THSD7A: variants seen among roughly 807,000 people sequenced by gnomAD.
The protein encoded by THSD7A is thrombospondin type 1 domain containing 7A.
Under a neutral mutation model 231.3 loss-of-function variants are expected in THSD7A, and 96 were observed. The observed-to-expected ratio is 0.41, with a 90% CI of 0.35 to 0.49. The LOEUF is 0.49. Ranked by LOEUF, THSD7A falls within the 20% of genes least tolerant of loss-of-function variation. The pLI is 0.05. For missense variants in THSD7A, 2,290 were observed against 2,070.2 expected, an observed-to-expected ratio of 1.11 and a Z score of -2.06; for synonymous variants, 940 against 743.3, an observed-to-expected ratio of 1.26 and a Z score of -4.30.
At chr7:11,527,539 T>C (rs1282484946) in intron 6 of THSD7A, among the ~76,000 whole-genome samples, 1 of 152,194 alleles carries the variant, frequency 6.6e-6, no homozygotes, top group African/African-American at 2.4e-5. Flanking sequence ...AGAATCCTCT[T>C]CCAACTAGAT....
At chr7:11,690,508 G>T (rs906421615) in intron 1 of THSD7A, among the ~76,000 whole-genome samples, 1 of 151,612 alleles carries the variant, frequency 6.6e-6, no homozygotes, top group African/African-American at 2.4e-5. Flanking sequence ...CTGTGCTGAG[G>T]CTGCTGTGTG....
intron 16 of THSD7A, among the ~76,000 whole-genome samples, chr7:11,422,879 T>C (rs1425288579): frequency 1.3e-5 from 2 of 152,130 alleles, no homozygotes; most frequent in Non-Finnish European, 2.9e-5. Context: ...TCTTGATTTC[T>C]TGACGTTGTG....
At chr7:11,438,412 T>G (rs2090683427) in intron 13 of THSD7A, among the ~76,000 whole-genome samples, 1 of 152,004 alleles carries the variant, frequency 6.6e-6, no homozygotes, top group African/African-American at 2.4e-5. Context: ...GAAAGCAAAT[T>G]TTTAAAGAGA....
At chr7:11,615,854 C>G (rs1781086909) in intron 2 of THSD7A, among the ~76,000 whole-genome samples, 1 of 152,002 alleles carries the variant, frequency 6.6e-6, no homozygotes, top group Non-Finnish European at 1.5e-5. Flanking sequence ...CTTTAATTTC[C>G]TCTATTGTCT....
intron 6 of THSD7A, among the ~76,000 whole-genome samples, chr7:11,497,458 A>T (rs1787149631): frequency 6.6e-6 from 1 of 152,188 alleles, no homozygotes; most frequent in Non-Finnish European, 1.5e-5. Context: ...TCTTTAGGGG[A>T]CATTAGGAAT....
intron 6 of THSD7A, among the ~76,000 whole-genome samples, chr7:11,494,241 T>C (rs1239892722): frequency 6.6e-6 from 1 of 152,050 alleles, no homozygotes; most frequent in Non-Finnish European, 1.5e-5. Context: ...CTCTTCTGAT[T>C]GGTCAGTGCC....
At chr7:11,547,743 C>T (rs1396152564) in intron 4 of THSD7A, among the ~76,000 whole-genome samples, 1 of 152,136 alleles carries the variant, frequency 6.6e-6, no homozygotes, top group African/African-American at 2.4e-5. Flanking sequence ...GAAATTAAAG[C>T]AACCTTCTTC....
chr7:11,781,081 C>CA (rs1386865823), intron 1 of THSD7A, among the ~76,000 whole-genome samples: 1 of 127,386 alleles, frequency 7.9e-6, no homozygotes, highest in Non-Finnish European at 1.6e-5. Context: ...CACAGAGGAT[C>CA]AAAAGTTACA....
chr7:11,813,546 T>C (rs1348015564), intron 1 of THSD7A, among the ~76,000 whole-genome samples: 1 of 151,854 alleles, frequency 6.6e-6, no homozygotes, highest in Non-Finnish European at 1.5e-5. Context: ...ACGCTGTCTC[T>C]ACTAAAATTA....
At chr7:11,708,991 T>G (rs1780861062) in intron 1 of THSD7A, among the ~76,000 whole-genome samples, 1 of 150,478 alleles carries the variant, frequency 6.6e-6, no homozygotes, top group Non-Finnish European at 1.5e-5. Context: ...ATAAGGAAAA[T>G]TTAGAAAAGG....
rs1001544716 is a variant in THSD7A, at chr7:11,377,852, A to G, written c.4802-1195T>C. ...TATATATAAAATTTAAAATAATGAC[A>G]ATAATATTCTTTTTTTTTTCAAAAG... On this transcript the variant is annotated intron_variant, in intron 26 of 27. Coordinates refer to ENST00000423059, the MANE Select transcript of THSD7A (RefSeq NM_015204.3). This position sits in a 1 kb window ranked among gnomAD's most constrained non-coding sequence, Gnocchi z 4.5. 2.2e-4 allele frequency: 33 copies of G among 152,200 alleles called. No individual in the cohort carries two copies. Among genetic ancestry groups the G allele is most frequent in the Middle Eastern group, 3.4e-3 (1 of 294 alleles). The allele number at this position is 152,200 out of a possible 1,614,324, so 9.4% of individuals were successfully genotyped here.
intron 17 of THSD7A, among the ~76,000 whole-genome samples, chr7:11,414,697 A>T (rs991124157): frequency 6.6e-6 from 1 of 152,236 alleles, no homozygotes; most frequent in Non-Finnish European, 1.5e-5. Context: ...TTCTAAGAAC[A>T]GTAAGAAACC....
intron 6 of THSD7A, among the ~76,000 whole-genome samples, chr7:11,502,539 G>A (rs999007098): frequency 7.9e-5 from 12 of 151,958 alleles, no homozygotes; most frequent in African/African-American, 1.9e-4. Flanking sequence ...AAAAACCCAC[G>A]ATTATCTCAA....
intron 4 of THSD7A, among the ~76,000 whole-genome samples, chr7:11,556,280 GGTGT>G (rs1333953388): frequency 1.5e-4 from 23 of 149,824 alleles, no homozygotes; most frequent in Admixed American, 1.5e-3. Flanking sequence ...CATATATATG[GGTGT>G]GTATGTGTAT....
chr7:11,407,098 G>C, intron 20 of THSD7A, 43 bp from the exon 21 acceptor site: 1 of 1,606,536 alleles, frequency 6.2e-7, no homozygotes. Context: ...ATATGTTATG[G>C]TTTTGCAAGC....
intron 2 of THSD7A, among the ~76,000 whole-genome samples, chr7:11,610,922 G>A (rs1335192877): frequency 2.0e-5 from 3 of 152,028 alleles, no homozygotes; most frequent in Non-Finnish European, 4.4e-5. Flanking sequence ...CTCTTTAATG[G>A]TAGAAATCTC....
intron 16 of THSD7A, among the ~76,000 whole-genome samples, chr7:11,421,308 A>C (rs191758404): frequency 6.6e-6 from 1 of 151,896 alleles, no homozygotes; most frequent in Non-Finnish European, 1.5e-5. Flanking sequence ...TTCTCATGAG[A>C]TCTGGTTGTT....
At position 11,772,686 on chromosome 7, in the gene THSD7A, G is replaced by A. The variant is rs114614152; in HGVS notation, c.190+59071C>T. On this transcript the variant is annotated intron_variant, in intron 1 of 27. Coordinates refer to ENST00000423059, the MANE Select transcript of THSD7A (RefSeq NM_015204.3). ...TTGAGTATACATGGACACAAACATG[G>A]GAATAATAGATACTAGGGCCTACTT... Among the ~76,000 whole-genome samples the A allele has an allele frequency of 9.4e-3, 1,428 of 152,230 alleles. 17 individuals are homozygous for A. Among genetic ancestry groups the A allele is most frequent in the African/African-American group, 0.032 (1,341 of 41,530 alleles).
At chr7:11,641,727 A>T (rs1782087313) in intron 1 of THSD7A, among the ~76,000 whole-genome samples, 1 of 151,972 alleles carries the variant, frequency 6.6e-6, no homozygotes, top group African/African-American at 2.4e-5. Flanking sequence ...CAGAGGTGGA[A>T]GTATAGTCAT....
Sources: allele counts gnomAD v4.1 joint callset (sites outside exome capture counted in the v4.1 genomes callset), GRCh38; gene constraint gnomAD v4.1.1; non-coding constraint Gnocchi (gnomAD v3.1); transcripts MANE v1.5; gene names NCBI Gene and HGNC (gene_info 2026-07-23, HGNC 2026-07-21).